MAP3K4: variants seen among roughly 807,000 people sequenced by gnomAD.
MAP3K4 encodes MAP three kinase 1.
MAP3K4 carries 67 observed loss-of-function variants against 185.6 expected under a neutral mutation model. That is an observed-to-expected ratio of 0.36 (90% CI 0.30 to 0.44). The LOEUF is 0.44. MAP3K4 is among the 20% of genes least tolerant of loss of function. MAP3K4 has a pLI of 1.00. For missense variants in MAP3K4, 1,551 were observed against 1,995.1 expected (o/e 0.78, Z 4.24); for synonymous variants, 702 against 710.4 (o/e 0.99, Z 0.19).
chr6:161,070,473 A>G lies in MAP3K4; in HGVS notation c.1708-135A>G, dbSNP rs1182823375. On this transcript the variant is annotated intron_variant, in intron 3 of 26. Transcript: ENST00000392142. This position sits in a 1 kb window ranked among gnomAD's most constrained non-coding sequence, Gnocchi z 4.5. ...GTTATTAAATTCATTAAATTATTAAATATTCTTTTCCCTGTAAAATTAGAA... is the reference window on the plus strand; with the variant it reads ...GTTATTAAATTCATTAAATTATTAAGTATTCTTTTCCCTGTAAAATTAGAA... 1.7e-6 allele frequency: 1 copy of G among 596,146 alleles called. No homozygotes were observed. The highest frequency in any genetic ancestry group is 2.7e-6 in the Non-Finnish European group (1 of 368,170). 36.9% of individuals were successfully genotyped at this position (596,146 alleles called of 1,614,324 possible). A position where few individuals can be genotyped will look rare whatever the true frequency, so the allele number is the denominator to read the frequency against.
rs1777436359 is a variant in MAP3K4, at chr6:161,093,756, T to C, written c.3349-17T>C. Reference sequence around the variant, plus strand: ...CATGTTTTCTCTTTACCTTTCCCATTTTCTTTTGGTTTCTAGAGTTTACAA... The same window carrying C: ...CATGTTTTCTCTTTACCTTTCCCATCTTCTTTTGGTTTCTAGAGTTTACAA... On this transcript the variant is annotated splice_polypyrimidine_tract_variant and intron_variant, in intron 14 of 26. Coordinates refer to ENST00000392142, the MANE Select transcript of MAP3K4 (RefSeq NM_005922.4). This position sits in a 1 kb window ranked among gnomAD's most constrained non-coding sequence, Gnocchi z 5.2. The C allele has an allele frequency of 6.4e-7, 1 of 1,552,562 alleles. No homozygotes were observed. Among genetic ancestry groups the C allele is most frequent in the South Asian group, 1.1e-5 (1 of 87,750 alleles).
Position 161,073,679 on chromosome 6 carries a change from A to T in MAP3K4, c.2097+67A>T. ...TCTTTTTTTAAAAAAGTAAGCCTGT[A>T]TTTCCTTGTTTTGCAAACAGCGTTG... On this transcript the variant is annotated intron_variant, in intron 5 of 26. Coordinates refer to ENST00000392142, the MANE Select transcript of MAP3K4 (RefSeq NM_005922.4). This position sits in a 1 kb window ranked among gnomAD's most constrained non-coding sequence, Gnocchi z 4.2. The T allele has an allele frequency of 6.5e-7, 1 of 1,536,582 alleles. No individual in the cohort carries two copies. The highest frequency in any genetic ancestry group is 1.4e-5 in the African/African-American group (1 of 72,060).
In MAP3K4 at chr6:161,100,595, C is replaced by T. The variant is rs1777795111; in HGVS notation, c.3675-1297C>T. On this transcript the variant is annotated intron_variant, in intron 17 of 26. Transcript: ENST00000392142. This position sits in a 1 kb window ranked among gnomAD's most constrained non-coding sequence, Gnocchi z 5.8. ...CACAGAAATTGGCAAACTCTACAAC[C>T]CACCTCCCCATCCCCGACATCCCCC... is the stretch of plus-strand genomic sequence containing the variant. 6.6e-6 allele frequency among the ~76,000 whole-genome samples: 1 copy of T among 152,180 alleles called. No homozygotes were observed. The highest frequency in any genetic ancestry group is 6.5e-5 in the Admixed American group (1 of 15,284).
rs752398961 is a variant in MAP3K4 at position 161,073,501 on chromosome 6, C to G, written c.1986C>G (p.Gly662=). ...VRECKEVLKG[G]LLMKQYYQFM... ...AGTGTAAGGAGGTCCTGAAGGGCGG[C>G]CTGCTGATGAAGCAGTACTACCAGT... The change falls in exon 5 of 27, where the codon GGC becomes GGG. Residue 662 remains glycine, a synonymous_variant. Coordinates refer to ENST00000392142, the MANE Select transcript of MAP3K4 (RefSeq NM_005922.4). This position sits in a 1 kb window ranked among gnomAD's most constrained non-coding sequence, Gnocchi z 4.2. 6.2e-7 allele frequency: 1 copy of G among 1,612,672 alleles called. No homozygotes were observed. Among genetic ancestry groups the G allele is most frequent in the East Asian group, 2.2e-5 (1 of 44,754 alleles).
rs975896986 is a variant in MAP3K4, at chr6:161,006,620, A to G, written c.152+14537A>G. Among the ~76,000 whole-genome samples the G allele has an allele frequency of 3.3e-5, 5 of 152,178 alleles. No homozygotes were observed. In the South Asian group the frequency reaches 1.0e-3, roughly 32 times the overall value. On this transcript the variant is annotated intron_variant, in intron 1 of 26. Transcript: ENST00000392142. ...TAGATACTGAAGGATGGCTGTACTT[A>G]TCTGCGAGCCAGTCAGAATTGAGCT...
intron 1 of MAP3K4, among the ~76,000 whole-genome samples, chr6:161,006,706 C>G (rs1328259377): frequency 6.6e-6 from 1 of 152,138 alleles, no homozygotes; most frequent in Non-Finnish European, 1.5e-5. Flanking sequence ...GGAACATATA[C>G]AGAATATACA....
chr6:161,073,705 G>A lies in MAP3K4; in HGVS notation c.2097+93G>A, dbSNP rs1785049688. ...TTTCCTTGTTTTGCAAACAGCGTTG[G>A]CATACATATTCAGATAAACTTCTCT... On this transcript the variant is annotated intron_variant, in intron 5 of 26. Transcript: ENST00000392142. This position sits in a 1 kb window ranked among gnomAD's most constrained non-coding sequence, Gnocchi z 4.2. 7.6e-7 allele frequency: 1 copy of A among 1,319,896 alleles called. No homozygotes were observed. The highest frequency in any genetic ancestry group is 1.0e-6 in the Non-Finnish European group (1 of 966,266). 81.8% of individuals were successfully genotyped at this position (1,319,896 alleles called of 1,614,324 possible).
chr6:161,017,922 T>G lies in MAP3K4; in HGVS notation c.153-16337T>G, dbSNP rs1782189451. On this transcript the variant is annotated intron_variant, in intron 1 of 26. Coordinates refer to ENST00000392142, the MANE Select transcript of MAP3K4 (RefSeq NM_005922.4). This position sits in a 1 kb window ranked among gnomAD's most constrained non-coding sequence, Gnocchi z 5.1. ...AACAGTTTTTTTAGATTAAAAAATATAAATATGCTGGGTTTTAGTGATTAC... is the reference window on the plus strand; with the variant it reads ...AACAGTTTTTTTAGATTAAAAAATAGAAATATGCTGGGTTTTAGTGATTAC... 6.6e-6 allele frequency among the ~76,000 whole-genome samples: 1 copy of G among 152,204 alleles called. No individual in the cohort carries two copies. Among genetic ancestry groups the G allele is most frequent in the African/African-American group, 2.4e-5 (1 of 41,448 alleles).
chr6:161,026,462 A>G (rs1165758315), intron 1 of MAP3K4, among the ~76,000 whole-genome samples: 2 of 151,796 alleles, frequency 1.3e-5, no homozygotes, highest in African/African-American at 4.8e-5. Flanking sequence ...TACAGTTTTG[A>G]TTTTCTTCTC....
intron 1 of MAP3K4, among the ~76,000 whole-genome samples, chr6:161,014,463 T>C (rs1457389667): frequency 1.3e-5 from 2 of 152,256 alleles, no homozygotes; most frequent in East Asian, 1.9e-4. Flanking sequence ...TAGGTGATTA[T>C]TAAAATGAGT....
Position 161,014,599 on chromosome 6 carries a change from CCTTAAAG to C in MAP3K4, c.153-19658_153-19652del, listed in dbSNP as rs1301060470. Among the ~76,000 whole-genome samples the C allele has an allele frequency of 4.6e-5, 7 of 152,260 alleles. No individual in the cohort carries two copies. In the East Asian group the frequency reaches 1.2e-3, roughly 25 times the overall value. ...TGAGGATGCTGAAATCCTGTACTAA[CCTTAAAG>C]CACATATATTTGAATTCTGGACTAC... is the stretch of plus-strand genomic sequence containing the variant. On this transcript the variant is annotated intron_variant, in intron 1 of 26. Transcript: ENST00000392142.
intron 1 of MAP3K4, among the ~76,000 whole-genome samples, chr6:161,026,964 T>C (rs1782704024): frequency 6.6e-6 from 1 of 152,154 alleles, no homozygotes; most frequent in Admixed American, 6.5e-5. Context: ...TCTTTATATA[T>C]ATTTGTTTTC....
In MAP3K4 at chr6:161,080,859, C is replaced by T. The variant is rs746738386; in HGVS notation, c.2098-22C>T. 2.5e-6 allele frequency: 4 copies of T among 1,610,726 alleles called. No individual in the cohort carries two copies. The highest frequency in any genetic ancestry group is 2.7e-5 in the African/African-American group (2 of 74,784). ...GCCAAGTTCTACTTTCAAATGTCTC[C>T]CTTTACTTTTTGTGTTTTAAGGTGT... On this transcript the variant is annotated intron_variant, in intron 5 of 26. Coordinates refer to ENST00000392142, the MANE Select transcript of MAP3K4 (RefSeq NM_005922.4). The surrounding 1 kb of genome is among the most constrained non-coding windows in gnomAD (Gnocchi z 4.8).
At chr6:161,012,536 A>G (rs1478037315) in intron 1 of MAP3K4, among the ~76,000 whole-genome samples, 1 of 152,212 alleles carries the variant, frequency 6.6e-6, no homozygotes, top group Non-Finnish European at 1.5e-5. Context: ...ATGCTATCAT[A>G]TAAGTGGCAT....
rs917637385 is a variant in MAP3K4, at chr6:161,076,931, A to G, written c.2097+3319A>G. Among the ~76,000 whole-genome samples, 6 of 152,210 alleles carry G rather than the reference A, an allele frequency of 3.9e-5. No individual in the cohort carries two copies. The highest frequency in any genetic ancestry group is 1.2e-4 in the African/African-American group (5 of 41,450). On this transcript the variant is annotated intron_variant, in intron 5 of 26. Coordinates refer to ENST00000392142, the MANE Select transcript of MAP3K4 (RefSeq NM_005922.4). This position sits in a 1 kb window ranked among gnomAD's most constrained non-coding sequence, Gnocchi z 4.2. ...ATTGTAGAACCATGTGAACAAGACT[A>G]CAGCTGAGAAAAATGCCCTCAGGAA... is the stretch of plus-strand genomic sequence containing the variant.
chr6:161,060,678 G>A (rs1784447864), intron 3 of MAP3K4, among the ~76,000 whole-genome samples: 1 of 145,630 alleles, frequency 6.9e-6, no homozygotes, highest in Non-Finnish European at 1.5e-5. Flanking sequence ...AGAGTGCAGT[G>A]GCGTGATCTT....
intron 2 of MAP3K4, among the ~76,000 whole-genome samples, chr6:161,041,908 G>GTTTT (rs1783473007): frequency 1.1e-5 from 1 of 94,388 alleles, no homozygotes; most frequent in African/African-American, 4.3e-5. Flanking sequence ...TTGAGTTATT[G>GTTTT]TTTCTTTTTT....
intron 2 of MAP3K4, among the ~76,000 whole-genome samples, chr6:161,040,841 G>A (rs917867212): frequency 1.3e-5 from 2 of 152,246 alleles, no homozygotes; most frequent in African/African-American, 2.4e-5. Flanking sequence ...TGCAAATAGG[G>A]ATAGAAGGGA....
chr6:161,048,597 TTA>T lies in MAP3K4; in HGVS notation c.344-17_344-16del, dbSNP rs1312473456. The T allele has an allele frequency of 6.6e-7, 1 of 1,509,610 alleles. No homozygotes were observed. The highest frequency in any genetic ancestry group is 1.4e-5 in the African/African-American group (1 of 69,998). 93.5% of individuals were successfully genotyped at this position (1,509,610 alleles called of 1,614,324 possible). ...ATTTTAGAGTTATATAATGTTCTGT[TTA>T]TTTTTTTTTTTAATAGAAAAAATGA... On this transcript the variant is annotated splice_polypyrimidine_tract_variant and intron_variant, in intron 2 of 26. Coordinates refer to ENST00000392142, the MANE Select transcript of MAP3K4 (RefSeq NM_005922.4). This position sits in a 1 kb window ranked among gnomAD's most constrained non-coding sequence, Gnocchi z 4.7.
Sources: allele counts gnomAD v4.1 joint callset (sites outside exome capture counted in the v4.1 genomes callset), GRCh38; gene constraint gnomAD v4.1.1; non-coding constraint Gnocchi (gnomAD v3.1); transcripts MANE v1.5; gene names NCBI Gene and HGNC (gene_info 2026-07-23, HGNC 2026-07-21).